The following RALYL variants were observed in gnomAD, a reference collection of about 807,000 sequenced individuals.
The protein encoded by RALYL is RNA-binding Raly-like protein.
Under a neutral mutation model 35.1 loss-of-function variants are expected in RALYL, and 29 were observed. That is an observed-to-expected ratio of 0.83 (90% CI 0.61 to 1.13). RALYL has a LOEUF of 1.13. Ranked by LOEUF, RALYL falls within the 50% of genes most tolerant of loss-of-function variation. The probability of loss-of-function intolerance (pLI) is 0.00; values close to 1 mark genes in which losing one functional copy is unlikely to be tolerated. For synonymous variants in RALYL, 120 were observed against 127.6 expected (o/e 0.94, Z 0.40); for missense variants, 359 against 360.4 (o/e 1.00, Z 0.03).
chr8:84,706,014 T>G, intron 2 of RALYL: 2 of 1,535,270 alleles, frequency 1.3e-6, no homozygotes, highest in East Asian at 4.9e-5. Flanking sequence ...AAAGTCTAAT[T>G]TTTTTCAAAA....
intron 1 of RALYL, among the ~76,000 whole-genome samples, chr8:84,384,184 TAA>T (rs968141201): frequency 1.3e-5 from 2 of 151,718 alleles, no homozygotes; most frequent in African/African-American, 2.4e-5. Context: ...GAAAAAGATA[TAA>T]AGTTTCCTTT....
chr8:84,707,961 C>T (rs1204508839), intron 2 of RALYL, among the ~76,000 whole-genome samples: 1 of 152,044 alleles, frequency 6.6e-6, no homozygotes, highest in African/African-American at 2.4e-5. Flanking sequence ...AAGGCATAAA[C>T]TTACCTAGAG....
chr8:84,751,345 T>C (rs1483623368), intron 2 of RALYL, among the ~76,000 whole-genome samples: 2 of 152,018 alleles, frequency 1.3e-5, no homozygotes, highest in African/African-American at 4.8e-5. Context: ...GTAGCTGGGA[T>C]TATATGCATG....
intron 4 of RALYL, among the ~76,000 whole-genome samples, chr8:84,844,815 G>A (rs772390368): frequency 5.3e-5 from 8 of 152,156 alleles, no homozygotes; most frequent in Non-Finnish European, 7.3e-5. Context: ...CGTGTCCTTT[G>A]TAGGGACATG....
chr8:84,849,458 A>G (rs1467449573), intron 4 of RALYL, among the ~76,000 whole-genome samples: 2 of 152,176 alleles, frequency 1.3e-5, no homozygotes, highest in South Asian at 2.1e-4. Context: ...GGAAGAAGGG[A>G]TAATTATATT....
chr8:84,396,336 T>A (rs956749067), intron 1 of RALYL, among the ~76,000 whole-genome samples: 1 of 152,104 alleles, frequency 6.6e-6, no homozygotes, highest in Non-Finnish European at 1.5e-5. Context: ...AAAGATAATT[T>A]ATATAGTTCT....
At chr8:84,615,122 T>C (rs1235098372) in intron 2 of RALYL, among the ~76,000 whole-genome samples, 5 of 151,806 alleles carry the variant, frequency 3.3e-5, no homozygotes, top group African/African-American at 1.2e-4. Context: ...AGCAGCACTT[T>C]TTCATGAAGT....
intron 1 of RALYL, among the ~76,000 whole-genome samples, chr8:84,463,516 G>A (rs953289533): frequency 9.2e-5 from 14 of 151,934 alleles, no homozygotes; most frequent in Admixed American, 8.5e-4. Context: ...TTATACCAAG[G>A]TATCCAAAGA....
intron 2 of RALYL, among the ~76,000 whole-genome samples, chr8:84,704,495 A>T (rs1260889924): frequency 6.7e-6 from 1 of 150,064 alleles, no homozygotes; most frequent in African/African-American, 2.5e-5. Context: ...CAACTCATTT[A>T]TTCCACAAAT....
chr8:84,907,750 A>C (rs868498500), intron 8 of RALYL, among the ~76,000 whole-genome samples: 3 of 152,130 alleles, frequency 2.0e-5, no homozygotes, highest in East Asian at 1.9e-4. Flanking sequence ...CATTATTTAA[A>C]ATAAATGTAT....
intron 4 of RALYL, among the ~76,000 whole-genome samples, chr8:84,830,442 G>A (rs1247957169): frequency 6.6e-6 from 1 of 152,152 alleles, no homozygotes; most frequent in Non-Finnish European, 1.5e-5. Context: ...GGTGGCTGGT[G>A]AAGAGAAGTA....
chr8:84,639,463 G>C (rs571063651), intron 2 of RALYL, among the ~76,000 whole-genome samples: 1 of 151,884 alleles, frequency 6.6e-6, no homozygotes, highest in Non-Finnish European at 1.5e-5. Context: ...ATCAAAAAAA[G>C]TGAGGAAAGG....
intron 1 of RALYL, among the ~76,000 whole-genome samples, chr8:84,201,860 C>G (rs532347572): frequency 1.3e-5 from 2 of 152,136 alleles, no homozygotes; most frequent in South Asian, 2.1e-4. Flanking sequence ...AACCACTGTT[C>G]GCAGCTAGCA....
intron 2 of RALYL, among the ~76,000 whole-genome samples, chr8:84,642,709 G>T (rs528678949): frequency 6.6e-6 from 1 of 152,166 alleles, no homozygotes; most frequent in Non-Finnish European, 1.5e-5. Context: ...CCCCTTCAGG[G>T]CTGGTGTCCC....
chr8:84,539,323 C>T (rs1282322488), intron 2 of RALYL, among the ~76,000 whole-genome samples: 1 of 152,024 alleles, frequency 6.6e-6, no homozygotes, highest in East Asian at 1.9e-4. Flanking sequence ...ATGTAAAAAC[C>T]TAAAAGAAGG....
intron 1 of RALYL, among the ~76,000 whole-genome samples, chr8:84,459,521 T>C (rs530024777): frequency 6.6e-6 from 1 of 151,554 alleles, no homozygotes; most frequent in East Asian, 1.9e-4. Flanking sequence ...ATGACAGCAA[T>C]GGGGAGTCAT....
At chr8:84,343,356 G>T (rs1303777167) in intron 1 of RALYL, among the ~76,000 whole-genome samples, 1 of 152,020 alleles carries the variant, frequency 6.6e-6, no homozygotes, top group East Asian at 1.9e-4. Context: ...ACTTTGAAAA[G>T]CAAATAGAAT....
At chr8:84,388,063 A>G (rs564742953) in intron 1 of RALYL, among the ~76,000 whole-genome samples, 4 of 151,854 alleles carry the variant, frequency 2.6e-5, no homozygotes, top group African/African-American at 9.7e-5. Context: ...TCATTGTTCA[A>G]TTCCCACCTA....
At chr8:84,304,667 A>T (rs1028278314) in intron 1 of RALYL, among the ~76,000 whole-genome samples, 1 of 152,188 alleles carries the variant, frequency 6.6e-6, no homozygotes, top group Admixed American at 6.5e-5. Flanking sequence ...TTTTTAAAGA[A>T]AAGTCATAGG....
Sources: gnomAD v4.1 joint callset for allele counts (sites outside exome capture counted in the v4.1 genomes callset) on GRCh38, gnomAD v4.1.1 for gene constraint, MANE v1.5 for transcripts, NCBI Gene and HGNC (gene_info 2026-07-23, HGNC 2026-07-21) for gene names.